Variants in FAM9C observed in about 807,000 individuals in gnomAD.
FAM9C encodes family with sequence similarity 9 member C.
Under a neutral mutation model 14.8 loss-of-function variants are expected in FAM9C, and 15 were observed. The ratio of observed to expected loss-of-function variants is 1.02; its 90% CI spans 0.68 to 1.56. FAM9C has a LOEUF of 1.56. FAM9C is among the 40% of genes most tolerant of loss of function. FAM9C has a pLI of 0.00. For missense variants in FAM9C, 116 were observed against 118.0 expected (o/e 0.98, Z 0.08); for synonymous variants, 45 against 37.5 (o/e 1.20, Z -0.74).
Position 13,042,885 on chromosome X carries a change from T to G in FAM9C, c.214+33A>C. The G allele has an allele frequency of 3.3e-6, 4 of 1,207,680 alleles. No individual in the cohort carries two copies. In the South Asian group the frequency reaches 7.1e-5, roughly 21 times the overall value. The stretch of plus-strand genomic sequence containing the variant: ...TAAGGGTTGTATGGTTGAAAACAAT[T>G]TTCATAAACCACAAATAGCTCGTAA... On this transcript the variant is annotated intron_variant, in intron 4 of 7. Transcript: ENST00000380625.
In FAM9C at chrX:13,038,472, T is replaced by G; in HGVS notation, c.470A>C (p.Gln157Pro). 2.5e-6 allele frequency: 3 copies of G among 1,207,331 alleles called. No individual in the cohort carries two copies. The highest frequency in any genetic ancestry group is 3.4e-6 in the Non-Finnish European group (3 of 893,775). Reference sequence around the variant, plus strand: ...TCTTTCAGTTCCTTTCCCATCTTGTTGCCACCTCTTTTGTTGCTCTTGAAA... The same window carrying G: ...TCTTTCAGTTCCTTTCCCATCTTGTGGCCACCTCTTTTGTTGCTCTTGAAA... ...KIFQEQQKRW[Q>P]QDGKGTERD is the part of the protein sequence containing the mutation. The change falls in exon 7 of 8, where the codon CAA becomes CCA. Residue 157 changes from glutamine to proline, a missense_variant. Physicochemically the swap from Gln to Pro is moderately conservative, Grantham distance 76 (BLOSUM62 -1). Coordinates refer to ENST00000380625, the MANE Select transcript of FAM9C (RefSeq NM_174901.6).
Position 13,043,714 on chromosome X carries a change from T to C in FAM9C, c.61+15A>G, listed in dbSNP as rs751490277. 14 of 1,211,470 alleles carry C rather than the reference T, an allele frequency of 1.2e-5. No individual in the cohort carries two copies. Among genetic ancestry groups the C allele is most frequent in the Non-Finnish European group, 1.5e-5 (13 of 894,928 alleles). On this transcript the variant is annotated intron_variant, in intron 2 of 7. Transcript: ENST00000380625. ...GGCGTGCACCTTCTTCTAGGTCCCC[T>C]TGGGCTGTGTTTACCTGCAAGCTCC...
chrX:13,042,848 T>C (rs768600199), intron 4 of FAM9C, 70 bp downstream of exon 4: 102 of 1,105,802 alleles, frequency 9.2e-5, no homozygotes, highest in South Asian at 3.0e-4. Context: ...CACTAATTCA[T>C]ATAACCTACT....
intron 5 of FAM9C, 105 bp downstream of exon 5, chrX:13,040,653 C>T: frequency 1.9e-6 from 1 of 520,921 alleles, no homozygotes; most frequent in Non-Finnish European, 3.0e-6. Context: ...ATATGTTGTT[C>T]CCTAGAGACA....
At chrX:13,042,840 C>T in intron 4 of FAM9C, 78 bp downstream of exon 4, 1 of 1,052,323 alleles carries the variant, frequency 9.5e-7, no homozygotes, top group Non-Finnish European at 1.3e-6. Flanking sequence ...TTGTCATCCA[C>T]TAATTCATAT....
intron 2 of FAM9C, 66 bp from the exon 3 acceptor site, chrX:13,043,314 A>T: frequency 8.8e-7 from 1 of 1,134,032 alleles, no homozygotes; most frequent in South Asian, 2.2e-5. Flanking sequence ...TTTTTCATAG[A>T]GAAACGTACT....
chrX:13,043,335 T>C lies in FAM9C; in HGVS notation c.62-87A>G. 8.3e-6 allele frequency: 9 copies of C among 1,080,830 alleles called. No individual in the cohort carries two copies. In the Middle Eastern group the frequency reaches 1.5e-3, roughly 184 times the overall value. The allele number at this position is 1,080,830 out of a possible 1,213,427, so 89.1% of individuals were successfully genotyped here. ...ATAGAGAAACGTACTATTTGTAGAC[T>C]TTTTTGGCTCTCCGCCAATTAAAGC... On this transcript the variant is annotated intron_variant, in intron 2 of 7. Transcript: ENST00000380625.
chrX:13,039,843 C>G lies in FAM9C; in HGVS notation c.403G>C (p.Asp135His). 8.3e-7 allele frequency: 1 copy of G among 1,208,605 alleles called. No individual in the cohort carries two copies. Among genetic ancestry groups the G allele is most frequent in the Admixed American group, 2.2e-5 (1 of 45,297 alleles). Residue 135 changes from aspartate to histidine, a missense_variant, in exon 6 of 8, where the codon GAT (aspartate) becomes CAT (histidine). By Grantham distance (81) the Asp-to-His change is moderately conservative. Transcript: ENST00000380625. ...LEEFITDEQK[D>H]EEGDGEKEEQ... ...TCCTTTTCTCCATCTCCTTCCTCAT[C>G]TTTCTGCTCATCTGTGATGAACTCT...
At chrX:13,043,688 G>GAA (rs2043549476) in intron 2 of FAM9C, 41 bp downstream of exon 2, 1 of 1,200,315 alleles carries the variant, frequency 8.3e-7, no homozygotes, top group African/African-American at 1.7e-5. Flanking sequence ...ACAGACTGTT[G>GAA]GGCGTGCACC....
intron 7 of FAM9C, chrX:13,037,417 T>C (rs1159542969): frequency 8.8e-6 from 1 of 113,002 alleles, no homozygotes; most frequent in African/African-American, 3.2e-5. Context: ...TGGTAACATG[T>C]AGCATTAACA....
intron 2 of FAM9C, 78 bp from the exon 3 acceptor site, chrX:13,043,326 T>A: frequency 9.0e-7 from 1 of 1,109,214 alleles, no homozygotes; most frequent in East Asian, 3.0e-5. Context: ...AAACGTACTA[T>A]TTGTAGACTT....
At position 13,043,250 on chromosome X, in the gene FAM9C, T is replaced by C. The variant is rs775589976; in HGVS notation, c.62-2A>G. ...GCTCATGACTTACTGGATCCTTTCC[T>C]GCATTAAAATAAAAAAGACAAACCT... On this transcript the variant is annotated splice_acceptor_variant, in intron 2 of 7. Coordinates refer to ENST00000380625, the MANE Select transcript of FAM9C (RefSeq NM_174901.6). LOFTEE classifies it high-confidence loss of function. 1.3e-4 allele frequency: 149 copies of C among 1,190,672 alleles called. No homozygotes were observed. In the South Asian group the frequency reaches 2.6e-3, roughly 21 times the overall value.
chrX:13,041,822 C>T (rs770101813), intron 4 of FAM9C: 6 of 111,888 alleles, frequency 5.4e-5, no homozygotes, highest in Non-Finnish European at 1.1e-4. Context: ...GGAATGCTTT[C>T]CTAAACATGG....
chrX:13,037,296 A>G (rs1251368079), intron 7 of FAM9C: 1 of 112,749 alleles, frequency 8.9e-6, no homozygotes, highest in Non-Finnish European at 1.9e-5. Flanking sequence ...GGCAATTTAA[A>G]AAAAAGAAAT....
At position 13,039,888 on chromosome X, in the gene FAM9C, T is replaced by C; in HGVS notation, c.358A>G (p.Lys120Glu). ...RQKRDYRISL[K>E]LPNVLEEFIT... ...AACTCTTCAAGGACATTCGGCAACTTCAGAGAAATTCTATAATCACGTTTC... is the reference window on the plus strand; with the variant it reads ...AACTCTTCAAGGACATTCGGCAACTCCAGAGAAATTCTATAATCACGTTTC... Residue 120 changes from lysine (K) to glutamate (E), a missense_variant, in exon 6 of 8, where the codon AAG becomes GAG. Physicochemically the swap from Lys to Glu is moderately conservative, Grantham distance 56. Coordinates refer to ENST00000380625, the MANE Select transcript of FAM9C (RefSeq NM_174901.6). 1.7e-6 allele frequency: 2 copies of C among 1,208,230 alleles called. No individual in the cohort carries two copies. Among genetic ancestry groups the C allele is most frequent in the Non-Finnish European group, 2.2e-6 (2 of 893,834 alleles).
At chrX:13,041,112 G>A (rs2043522530) in intron 4 of FAM9C, 1 of 213,015 alleles carries the variant, frequency 4.7e-6, no homozygotes, top group Admixed American at 7.3e-5. Flanking sequence ...ATGAAAAAAA[G>A]CAAATAATTA....
chrX:13,038,444 A>G lies in FAM9C; in HGVS notation c.498T>C (p.Asp166=), dbSNP rs2043497237. ...WQQDGKGTER[D] is the part of the protein sequence containing the mutation. ...TGTGAATTGCTCGTGTGGTGGCTCA[A>G]TCTCTTTCAGTTCCTTTCCCATCTT... is the stretch of plus-strand genomic sequence containing the variant. The change falls in exon 7 of 8, where the codon GAT becomes GAC. Residue 166 remains aspartate (D), a synonymous_variant. Coordinates refer to ENST00000380625, the MANE Select transcript of FAM9C (RefSeq NM_174901.6). 4 of 1,204,252 alleles carry G rather than the reference A, an allele frequency of 3.3e-6. No homozygotes were observed. In the South Asian group the frequency reaches 5.4e-5, roughly 16 times the overall value.
intron 3 of FAM9C, 37 bp from the exon 4 acceptor site, chrX:13,042,986 G>A: frequency 8.5e-7 from 1 of 1,176,106 alleles, no homozygotes; most frequent in Non-Finnish European, 1.1e-6. Context: ...TTAACATAAT[G>A]CTACACAAAA....
At position 13,043,901 on chromosome X, in the gene FAM9C, C is replaced by T. The variant is rs1224499138; in HGVS notation, c.-68-44G>A. ...CACTAAGGACACTAAGGAAACGAGG[C>T]GTGTTAAATGAAAATCATCAGGATC... is the stretch of plus-strand genomic sequence containing the variant. On this transcript the variant is annotated intron_variant, in intron 1 of 7. Transcript: ENST00000380625. 8 of 800,973 alleles carry T rather than the reference C, an allele frequency of 1.0e-5. 1 individual carries two copies. The Admixed American group carries it at 1.0e-4, about 10-fold the overall frequency. 66.0% of individuals were successfully genotyped at this position (800,973 alleles called of 1,213,427 possible). A position where few individuals can be genotyped will look rare whatever the true frequency, so the allele number is the denominator to read the frequency against.
Sources: gnomAD v4.1 joint callset for allele counts on GRCh38, gnomAD v4.1.1 for gene constraint, MANE v1.5 for transcripts, NCBI Gene and HGNC (gene_info 2026-07-23, HGNC 2026-07-21) for gene names.